SLC1A1: variants seen among roughly 807,000 people sequenced by gnomAD.
The protein encoded by SLC1A1 is solute carrier family 1 member 1, also known as excitatory amino acid transporter 3.
SLC1A1 carries 43 observed loss-of-function variants against 53.3 expected under a neutral mutation model. The observed-to-expected ratio is 0.81, with a 90% confidence interval of 0.63 to 1.04. The LOEUF (loss-of-function observed/expected upper bound fraction) is 1.04. SLC1A1 is among the 50% of genes least tolerant of loss of function. SLC1A1 has a pLI of 0.00. For synonymous variants in SLC1A1, 307 were observed against 243.2 expected (o/e 1.26, Z -2.44); for missense variants, 748 against 664.9 (o/e 1.12, Z -1.37).
chr9:4,557,327 T>C (rs1398612375), intron 2 of SLC1A1, among the ~76,000 whole-genome samples: 1 of 152,248 alleles, frequency 6.6e-6, no homozygotes, highest in African/African-American at 2.4e-5. Flanking sequence ...CTGCCCATGC[T>C]TGCAAGGCAA....
intron 1 of SLC1A1, among the ~76,000 whole-genome samples, chr9:4,508,111 G>A (rs944656053): frequency 6.6e-6 from 1 of 152,146 alleles, no homozygotes; most frequent in African/African-American, 2.4e-5. Context: ...CTGAGGAAGG[G>A]AAAGAGTGGA....
At chr9:4,557,023 G>A (rs778545300) in intron 2 of SLC1A1, among the ~76,000 whole-genome samples, 4 of 152,138 alleles carry the variant, frequency 2.6e-5, no homozygotes, top group Non-Finnish European at 5.9e-5. Flanking sequence ...GCTGCCCTGG[G>A]AACCAAACTA....
At position 4,494,640 on chromosome 9, in the gene SLC1A1, A is replaced by G. The variant is rs535035327; in HGVS notation, c.91+3870A>G. On this transcript the variant is annotated intron_variant, in intron 1 of 11. Transcript: ENST00000262352. ...GCTAATCCTCAATTCATTTAAATAT[A>G]ATATTTAAATATATAATTTATATAA... 4.6e-5 allele frequency among the ~76,000 whole-genome samples: 7 copies of G among 150,794 alleles called. No individual in the cohort carries two copies. The East Asian group carries it at 1.4e-3, about 29-fold the overall frequency.
At chr9:4,582,762 G>C (rs554878719) in intron 10 of SLC1A1, among the ~76,000 whole-genome samples, 2 of 152,130 alleles carry the variant, frequency 1.3e-5, no homozygotes, top group East Asian at 3.9e-4. Flanking sequence ...CTTATTTTTT[G>C]GTGCCACTTA....
intron 1 of SLC1A1, among the ~76,000 whole-genome samples, chr9:4,505,652 GT>G (rs1186875050): frequency 1.3e-5 from 2 of 151,954 alleles, no homozygotes; most frequent in South Asian, 2.1e-4. Context: ...TGTTGTTGTT[GT>G]TGTTGTTTTT....
rs73383426 is a variant in SLC1A1, at chr9:4,548,270, C to T, written c.232+3563C>T. On this transcript the variant is annotated intron_variant, in intron 2 of 11. Coordinates refer to ENST00000262352, the MANE Select transcript of SLC1A1 (RefSeq NM_004170.6). ...TCAGCCTCCCTACCCAGAAGATGGCCGTGGAAAACACACAGGAAGGGCCAT... is the reference window on the plus strand; with the variant it reads ...TCAGCCTCCCTACCCAGAAGATGGCTGTGGAAAACACACAGGAAGGGCCAT... Among the ~76,000 whole-genome samples, 239 of 152,190 alleles carry T rather than the reference C, an allele frequency of 1.6e-3. 1 individual carries two copies. The highest frequency in any genetic ancestry group is 5.6e-3 in the African/African-American group (232 of 41,516).
intron 1 of SLC1A1, among the ~76,000 whole-genome samples, chr9:4,532,885 C>T (rs1283525449): frequency 1.3e-5 from 2 of 152,134 alleles, no homozygotes; most frequent in Non-Finnish European, 2.9e-5. Flanking sequence ...CTCTACAAGC[C>T]AGAAGAGAGT....
chr9:4,541,179 G>A (rs1816972416), intron 1 of SLC1A1, among the ~76,000 whole-genome samples: 1 of 152,144 alleles, frequency 6.6e-6, no homozygotes, highest in Non-Finnish European at 1.5e-5. Flanking sequence ...GGAAATTGTT[G>A]ATCTTGTCAA....
rs191794357 is a variant in SLC1A1 at position 4,587,190 on chromosome 9, T to C, written c.*1632T>C. ...TTATGTAAACATCATAAATAGTAAA[T>C]AATGATTCAATGTGAATTTTAAAAT... is the stretch of plus-strand genomic sequence containing the variant. On this transcript the variant is annotated 3_prime_UTR_variant, in exon 12 of 12. Transcript: ENST00000262352. 2 of 152,692 alleles carry C rather than the reference T, an allele frequency of 1.3e-5. No individual in the cohort carries two copies. The highest frequency in any genetic ancestry group is 1.3e-4 in the Admixed American group (2 of 15,304). The allele number at this position is 152,692 out of a possible 1,614,324, so 9.5% of individuals were successfully genotyped here. A position where few individuals can be genotyped will look rare whatever the true frequency, so the allele number is the denominator to read the frequency against.
chr9:4,574,009 G>T lies in SLC1A1; in HGVS notation c.870G>T (p.Leu290=). Residue 290 remains leucine, a synonymous_variant, in exon 8 of 12, where the codon CTG becomes CTT. Transcript: ENST00000262352. The part of the protein sequence containing the change: ...RKLGLYMATV[L]TGLAIHSIVI... ...TGGGCCTTTACATGGCCACAGTCCT[G>T]ACTGGGTATGTCAGACTCAAGAGAA... The T allele has an allele frequency of 1.3e-6, 2 of 1,599,134 alleles. No individual in the cohort carries two copies. Among genetic ancestry groups the T allele is most frequent in the South Asian group, 2.2e-5 (2 of 90,784 alleles).
intron 1 of SLC1A1, among the ~76,000 whole-genome samples, chr9:4,534,250 C>A (rs1816588935): frequency 6.6e-6 from 1 of 151,978 alleles, no homozygotes; most frequent in African/African-American, 2.4e-5. Context: ...AAAAACCCTT[C>A]AAAAAATCAA....
At chr9:4,521,073 T>C (rs978676006) in intron 1 of SLC1A1, among the ~76,000 whole-genome samples, 10 of 152,234 alleles carry the variant, frequency 6.6e-5, no homozygotes, top group Non-Finnish European at 1.0e-4. Flanking sequence ...TATATCTTCA[T>C]TGGAGAAATG....
Position 4,583,853 on chromosome 9 carries a change from T to TTCTCTCTCTCTCTCTCTCTCTCTC in SLC1A1, c.1328+688_1328+711dup, listed in dbSNP as rs373604899. On this transcript the variant is annotated intron_variant, in intron 11 of 11. Coordinates refer to ENST00000262352, the MANE Select transcript of SLC1A1 (RefSeq NM_004170.6). The surrounding 1 kb of genome is among the most constrained non-coding windows in gnomAD (Gnocchi z 4.6). ...CCATTCAGGCCCCAATCAACAACAC[T>TTCTCTCTCTCTCTCTCTCTCTCTC]TCTCTCTCTCTCTCTCTCTCTCTCT... is the stretch of plus-strand genomic sequence containing the variant. Among the ~76,000 whole-genome samples the TTCTCTCTCTCTCTCTCTCTCTCTC allele has an allele frequency of 4.4e-5, 6 of 136,922 alleles. No homozygotes were observed. Among genetic ancestry groups the TTCTCTCTCTCTCTCTCTCTCTCTC allele is most frequent in the Non-Finnish European group, 7.7e-5 (5 of 64,644 alleles). The allele number at this position is 136,922 out of a possible 152,430, so 89.8% of individuals were successfully genotyped here.
chr9:4,523,977 T>A (rs1477335068), intron 1 of SLC1A1, among the ~76,000 whole-genome samples: 3 of 152,232 alleles, frequency 2.0e-5, no homozygotes, highest in African/African-American at 7.2e-5. Flanking sequence ...CCTTTCTTCC[T>A]TCAAAATGCT....
chr9:4,571,465 C>T (rs1484159976), intron 6 of SLC1A1, among the ~76,000 whole-genome samples: 1 of 152,096 alleles, frequency 6.6e-6, no homozygotes, highest in Non-Finnish European at 1.5e-5. Flanking sequence ...CACCTGAGGT[C>T]AGGAGTTCGA....
chr9:4,576,512 C>CAGGG, intron 9 of SLC1A1, 57 bp from the exon 10 acceptor site: 1 of 1,417,766 alleles, frequency 7.1e-7, no homozygotes, highest in Non-Finnish European at 1.0e-6. Flanking sequence ...TGTCTTCAGG[C>CAGGG]AGGGACTAAG....
At chr9:4,498,292 G>A (rs538358451) in intron 1 of SLC1A1, among the ~76,000 whole-genome samples, 11 of 151,982 alleles carry the variant, frequency 7.2e-5, no homozygotes, top group Non-Finnish European at 1.6e-4. Context: ...ATTGTATATG[G>A]GGCTATTACC....
intron 1 of SLC1A1, among the ~76,000 whole-genome samples, chr9:4,511,229 A>T (rs779736606): frequency 9.2e-5 from 14 of 152,162 alleles, no homozygotes; most frequent in Non-Finnish European, 1.9e-4. Context: ...TTTATTTCTT[A>T]TAGTTCTGGA....
chr9:4,499,407 C>G (rs989838796), intron 1 of SLC1A1, among the ~76,000 whole-genome samples: 3 of 152,172 alleles, frequency 2.0e-5, no homozygotes, highest in Admixed American at 6.5e-5. Context: ...AGAGATCCTT[C>G]TGGCCTCGCC....
Sources: allele counts gnomAD v4.1 joint callset (sites outside exome capture counted in the v4.1 genomes callset), GRCh38; gene constraint gnomAD v4.1.1; non-coding constraint Gnocchi (gnomAD v3.1); transcripts MANE v1.5; gene names NCBI Gene and HGNC (gene_info 2026-07-23, HGNC 2026-07-21).